FBLN2: variants seen among roughly 807,000 people sequenced by gnomAD.
The protein encoded by FBLN2 is fibulin 2, also known as fibulin-2.
Under a neutral mutation model 123.7 loss-of-function variants are expected in FBLN2, and 81 were observed. The ratio of observed to expected loss-of-function variants is 0.65; its 90% CI spans 0.55 to 0.79. The LOEUF (loss-of-function observed/expected upper bound fraction) is 0.79, where lower values mean the gene tolerates loss of function less well. FBLN2 is among the 30% of genes least tolerant of loss of function. FBLN2 has a pLI of 0.00. For missense variants in FBLN2, 1,603 were observed against 1,681.3 expected, an observed-to-expected ratio of 0.95 and a Z score of 0.81; for synonymous variants, 699 against 701.4, an observed-to-expected ratio of 1.00 and a Z score of 0.05.
chr3:13,617,812 T>C lies in FBLN2; in HGVS notation c.1730-264T>C, dbSNP rs187293985. Among the ~76,000 whole-genome samples, 274 of 105,464 alleles carry C rather than the reference T, an allele frequency of 2.6e-3. 1 individual carries two copies. The highest frequency in any genetic ancestry group is 8.9e-3 in the African/African-American group (249 of 27,990). 69.2% of individuals were successfully genotyped at this position (105,464 alleles called of 152,430 possible). On this transcript the variant is annotated intron_variant, in intron 5 of 17. Transcript: ENST00000404922. ...CCCATCCACCCACCCATCCACTCAC[T>C]CACCCATCCATCCACCCATCCATCT...
intron 1 of FBLN2, among the ~76,000 whole-genome samples, chr3:13,566,035 AC>A (rs1424124630): frequency 6.6e-6 from 1 of 151,970 alleles, no homozygotes; most frequent in Non-Finnish European, 1.5e-5. Context: ...TTGCGTCCCC[AC>A]CCGGGAGGGC....
chr3:13,559,699 T>G (rs1282220943), intron 1 of FBLN2, among the ~76,000 whole-genome samples: 1 of 152,344 alleles, frequency 6.6e-6, no homozygotes, highest in East Asian at 1.9e-4. Flanking sequence ...CTTGGTTCAT[T>G]ATGTGCTTTT....
At chr3:13,600,047 G>A (rs917508933) in intron 2 of FBLN2, among the ~76,000 whole-genome samples, 12 of 145,964 alleles carry the variant, frequency 8.2e-5, no homozygotes, top group African/African-American at 2.8e-4. Flanking sequence ...GAGAGAGAGC[G>A]AGAGAGAGAG....
chr3:13,551,881 GTC>G (rs1703333451), intron 1 of FBLN2, among the ~76,000 whole-genome samples: 1 of 141,512 alleles, frequency 7.1e-6, no homozygotes, highest in Non-Finnish European at 1.5e-5. Flanking sequence ...ATCTCGTCCT[GTC>G]TCTCAGGCTG....
rs1463179187 is a variant in FBLN2 at position 13,614,081 on chromosome 3, T to C, written c.1646T>C (p.Met549Thr). 1 of 1,613,812 alleles carries C rather than the reference T, an allele frequency of 6.2e-7. No individual in the cohort carries two copies. Among genetic ancestry groups the C allele is most frequent in the African/African-American group, 1.3e-5 (1 of 75,044 alleles). Residue 549 changes from methionine to threonine, a missense_variant, in exon 5 of 18, where the codon ATG (methionine) becomes ACG (threonine). Transcript: ENST00000404922. ...PNLGYPCNHV[M>T]LSCCEGEEPL... ...CTGGGCTATCCCTGCAATCATGTCA[T>C]GCTCTCCTGCTGTGAGGGTGAAGAG...
chr3:13,564,226 T>C (rs1286842440), intron 1 of FBLN2, among the ~76,000 whole-genome samples: 1 of 152,104 alleles, frequency 6.6e-6, no homozygotes, highest in African/African-American at 2.4e-5. Context: ...GGCAGCCGTG[T>C]GGGCACAGCC....
chr3:13,593,642 AG>A (rs1704745840), intron 2 of FBLN2, among the ~76,000 whole-genome samples: 1 of 149,554 alleles, frequency 6.7e-6, no homozygotes, highest in South Asian at 2.1e-4. Flanking sequence ...TGAACCTGAG[AG>A]GCAGAGGTTA....
intron 2 of FBLN2, among the ~76,000 whole-genome samples, chr3:13,606,140 T>C (rs1705196422): frequency 6.6e-6 from 1 of 152,206 alleles, no homozygotes; most frequent in Non-Finnish European, 1.5e-5. Context: ...GCTCAAGTGA[T>C]GAACCCACCT....
At position 13,637,952 on chromosome 3, in the gene FBLN2, C is replaced by T; in HGVS notation, c.*33C>T. ...GCACGGGCCACCTGCGGGTGTGGCGCAGCCCAGGGCTCACACTGCGTGGGA... is the reference window on the plus strand; with the variant it reads ...GCACGGGCCACCTGCGGGTGTGGCGTAGCCCAGGGCTCACACTGCGTGGGA... On this transcript the variant is annotated 3_prime_UTR_variant, in exon 18 of 18. Transcript: ENST00000404922. The T allele has an allele frequency of 5.9e-6, 9 of 1,526,832 alleles. No individual in the cohort carries two copies. The highest frequency in any genetic ancestry group is 6.2e-6 in the Non-Finnish European group (7 of 1,125,934). 94.6% of individuals were successfully genotyped at this position (1,526,832 alleles called of 1,614,324 possible). A position where few individuals can be genotyped will look rare whatever the true frequency, so the allele number is the denominator to read the frequency against.
intron 15 of FBLN2, among the ~76,000 whole-genome samples, 198 bp downstream of exon 15, chr3:13,631,013 CTG>C (rs1706237078): frequency 6.6e-6 from 1 of 152,188 alleles, no homozygotes. Context: ...GGTTCCTCCT[CTG>C]TAAAATGGGA....
Position 13,600,616 on chromosome 3 carries a change from C to CTT in FBLN2, c.1307-7431_1307-7430dup, listed in dbSNP as rs35007080. ...GCGACTTCTTTTTTAATTTTGTACA[C>CTT]TTTTTTTTTTTTTTTTGAGACGGAG... On this transcript the variant is annotated intron_variant, in intron 2 of 17. Transcript: ENST00000404922. Among the ~76,000 whole-genome samples the CTT allele has an allele frequency of 5.3e-3, 734 of 137,744 alleles. 10 individuals carry two copies. Among genetic ancestry groups the CTT allele is most frequent in the South Asian group, 0.031 (132 of 4,212 alleles). The allele number at this position is 137,744 out of a possible 152,430, so 90.4% of individuals were successfully genotyped here.
chr3:13,623,326 G>T (rs78827526), intron 9 of FBLN2, among the ~76,000 whole-genome samples: 1,622 of 152,334 alleles, frequency 0.011, 30 homozygotes, highest in African/African-American at 0.037. Context: ...GCTGCCTGGA[G>T]ATAAAACATA....
intron 1 of FBLN2, among the ~76,000 whole-genome samples, chr3:13,560,848 C>T (rs779204849): frequency 1.3e-5 from 2 of 152,076 alleles, no homozygotes; most frequent in Non-Finnish European, 2.9e-5. Context: ...GGGTTTTGCT[C>T]TGTCACCCAG....
At chr3:13,581,225 G>C (rs1039331964) in intron 2 of FBLN2, among the ~76,000 whole-genome samples, 3 of 151,746 alleles carry the variant, frequency 2.0e-5, no homozygotes, top group Non-Finnish European at 2.9e-5. Context: ...TGGGGGGTGG[G>C]GGGGAGGTGT....
intron 1 of FBLN2, among the ~76,000 whole-genome samples, chr3:13,554,215 T>C (rs1203475312): frequency 1.3e-5 from 2 of 152,228 alleles, no homozygotes; most frequent in Non-Finnish European, 2.9e-5. Flanking sequence ...GGTTCTTGAG[T>C]GTGGCTGAGT....
chr3:13,595,527 T>C lies in FBLN2; in HGVS notation c.1307-12535T>C, dbSNP rs540815271. On this transcript the variant is annotated intron_variant, in intron 2 of 17. Coordinates refer to ENST00000404922, the MANE Select transcript of FBLN2 (RefSeq NM_001004019.2). ...AGACCTTCAGGTAACCCTCCCACCCTGTCCCTCCACACCCCCAGGAGAACA... is the reference window on the plus strand; with the variant it reads ...AGACCTTCAGGTAACCCTCCCACCCCGTCCCTCCACACCCCCAGGAGAACA... Among the ~76,000 whole-genome samples, 4 of 148,720 alleles carry C rather than the reference T, an allele frequency of 2.7e-5. No homozygotes were observed. The South Asian group carries it at 8.9e-4, about 33-fold the overall frequency.
intron 2 of FBLN2, among the ~76,000 whole-genome samples, chr3:13,602,707 G>T (rs1705073252): frequency 6.6e-6 from 1 of 152,056 alleles, no homozygotes; most frequent in African/African-American, 2.4e-5. Flanking sequence ...ATTGTTATGG[G>T]GGTATAGGAA....
In FBLN2 at chr3:13,621,850, A is replaced by G. The variant is rs1207918736; in HGVS notation, c.2231A>G (p.Tyr744Cys). 2 of 1,613,796 alleles carry G rather than the reference A, an allele frequency of 1.2e-6. No homozygotes were observed. Among genetic ancestry groups the G allele is most frequent in the Non-Finnish European group, 8.5e-7 (1 of 1,179,864 alleles). ...QFCVNTLGSF[Y>C]CVNHTVLCAD... Reference sequence around the variant, plus strand: ...TGTGTGAACACCCTGGGATCCTTCTACTGTGTCAACCACACAGTGCTCTGT... The same window carrying G: ...TGTGTGAACACCCTGGGATCCTTCTGCTGTGTCAACCACACAGTGCTCTGT... The change falls in exon 9 of 18, where the codon TAC becomes TGC. Residue 744 changes from tyrosine (Y) to cysteine (C), a missense_variant. By Grantham distance (194) the Tyr-to-Cys change is radical. Coordinates refer to ENST00000404922, the MANE Select transcript of FBLN2 (RefSeq NM_001004019.2).
rs779492132 is a variant in FBLN2, at chr3:13,570,806, A to G, written c.451A>G (p.Thr151Ala). The part of the protein sequence containing the change: ...HAGHKYAAGH[T>A]VHLPPCRACH... ...GGGCCACAAGTACGCCGCTGGCCAC[A>G]CTGTTCACCTGCCGCCCTGCCGGGC... Residue 151 changes from threonine (T) to alanine (A), a missense_variant, in exon 2 of 18, where the codon ACT becomes GCT. Physicochemically the swap from Thr to Ala is moderately conservative, Grantham distance 58. Transcript: ENST00000404922. 4.4e-6 allele frequency: 7 copies of G among 1,596,636 alleles called. No homozygotes were observed. The highest frequency in any genetic ancestry group is 2.3e-5 in the East Asian group (1 of 43,722).
Sources: allele counts gnomAD v4.1 joint callset (sites outside exome capture counted in the v4.1 genomes callset), GRCh38; gene constraint gnomAD v4.1.1; transcripts MANE v1.5; gene names NCBI Gene and HGNC (gene_info 2026-07-23, HGNC 2026-07-21).